NEURL1: variants seen among roughly 807,000 people sequenced by gnomAD.
The protein encoded by NEURL1 is E3 ubiquitin-protein ligase NEURL1.
In NEURL1, 26 loss-of-function variants were observed where a neutral mutation model predicts 41.2. That is an observed-to-expected ratio of 0.63 (90% CI 0.46 to 0.87). The LOEUF (loss-of-function observed/expected upper bound fraction) is 0.87. NEURL1 is among the 40% of genes least tolerant of loss of function. The probability of loss-of-function intolerance (pLI) is 0.00; values close to 1 mark genes in which losing one functional copy is unlikely to be tolerated. For synonymous variants in NEURL1, 400 were observed against 402.3 expected (o/e 0.99, Z 0.07); for missense variants, 761 against 871.1 (o/e 0.87, Z 1.59).
intron 1 of NEURL1, among the ~76,000 whole-genome samples, chr10:103,541,268 C>G (rs1023143546): frequency 6.6e-6 from 1 of 151,924 alleles, no homozygotes; most frequent in Non-Finnish European, 1.5e-5. Context: ...TACATACATG[C>G]CTACATACAT....
chr10:103,517,003 A>G (rs1209640449), intron 1 of NEURL1, among the ~76,000 whole-genome samples: 1 of 105,934 alleles, frequency 9.4e-6, no homozygotes, highest in Admixed American at 1.0e-4. Context: ...CCTTCCCTCC[A>G]TCCTTCCTCC....
At position 103,571,823 on chromosome 10, in the gene NEURL1, G is replaced by A. The variant is rs1202225863; in HGVS notation, c.649+1G>A. ...CTCACGCGGGGCGTCCAGCTGCTTG[G>A]TGAGTGCCTGCCCCTCCGGCCCCTT... On this transcript the variant is annotated splice_donor_variant, in intron 3 of 5. Coordinates refer to ENST00000369780, the MANE Select transcript of NEURL1 (RefSeq NM_004210.5). LOFTEE classifies it high-confidence loss of function. 2 of 1,594,868 alleles carry A rather than the reference G, an allele frequency of 1.3e-6. No homozygotes were observed. Among genetic ancestry groups the A allele is most frequent in the Admixed American group, 1.7e-5 (1 of 59,272 alleles).
chr10:103,554,776 C>T (rs2035109755), intron 1 of NEURL1, among the ~76,000 whole-genome samples: 1 of 152,204 alleles, frequency 6.6e-6, no homozygotes, highest in African/African-American at 2.4e-5. Flanking sequence ...ACTTGGTTAA[C>T]AGCTCCATCA....
chr10:103,588,942 G>GAAA (rs35294224), intron 4 of NEURL1: 512 of 320,130 alleles, frequency 1.6e-3, no homozygotes, highest in Middle Eastern at 3.5e-3. Context: ...GACTCCGTCT[G>GAAA]AAAAAAAAAA....
chr10:103,567,051 C>T (rs965963719), intron 1 of NEURL1, among the ~76,000 whole-genome samples: 11 of 150,850 alleles, frequency 7.3e-5, no homozygotes, highest in African/African-American at 2.4e-4. Flanking sequence ...GGTGCTGTCT[C>T]GGCTCACTGC....
chr10:103,542,810 C>T (rs947196188), intron 1 of NEURL1, among the ~76,000 whole-genome samples: 1 of 152,130 alleles, frequency 6.6e-6, no homozygotes, highest in African/African-American at 2.4e-5. Flanking sequence ...CGTGAGTGCT[C>T]GTAGGCTTTG....
intron 1 of NEURL1, among the ~76,000 whole-genome samples, chr10:103,559,773 C>A (rs1369257852): frequency 6.6e-6 from 1 of 152,114 alleles, no homozygotes; most frequent in Non-Finnish European, 1.5e-5. Flanking sequence ...ACAGAGTGTG[C>A]TTTTATGAAG....
intron 1 of NEURL1, among the ~76,000 whole-genome samples, chr10:103,500,859 C>T (rs549962103): frequency 2.0e-5 from 3 of 152,312 alleles, no homozygotes; most frequent in Admixed American, 6.5e-5. Context: ...CTCAAACCTG[C>T]GTGTTTAACA....
Position 103,494,200 on chromosome 10 carries a change from A to G in NEURL1, c.-188A>G, listed in dbSNP as rs1031120665. On this transcript the variant is annotated 5_prime_UTR_variant, in exon 1 of 6. Coordinates refer to ENST00000369780, the MANE Select transcript of NEURL1 (RefSeq NM_004210.5). ...GCGCCAGGACACCCGTGGCGGGCGGAACCCGCCAAGGACCGCGAAGTCCAG... is the reference window on the plus strand; with the variant it reads ...GCGCCAGGACACCCGTGGCGGGCGGGACCCGCCAAGGACCGCGAAGTCCAG... 9.8e-6 allele frequency: 5 copies of G among 510,264 alleles called. No individual in the cohort carries two copies. The highest frequency in any genetic ancestry group is 6.2e-5 in the African/African-American group (3 of 48,426). The allele number at this position is 510,264 out of a possible 1,614,324, so 31.6% of individuals were successfully genotyped here.
At chr10:103,560,314 T>C (rs2035265881) in intron 1 of NEURL1, among the ~76,000 whole-genome samples, 1 of 152,104 alleles carries the variant, frequency 6.6e-6, no homozygotes, top group Non-Finnish European at 1.5e-5. Flanking sequence ...AGAATTAACA[T>C]TTGGAGTCCC....
At position 103,558,868 on chromosome 10, in the gene NEURL1, G is replaced by A. The variant is rs921549324; in HGVS notation, c.86-12004G>A. On this transcript the variant is annotated intron_variant, in intron 1 of 5. Transcript: ENST00000369780. The surrounding 1 kb of genome is among the most constrained non-coding windows in gnomAD (Gnocchi z 4.2). ...GGCAAGGAAGGGACCCCTTGCTGAC[G>A]GCTGATGTGTGGGTGACACACGCAC... 1.3e-5 allele frequency among the ~76,000 whole-genome samples: 2 copies of A among 152,102 alleles called. No homozygotes were observed. The highest frequency in any genetic ancestry group is 4.8e-5 in the African/African-American group (2 of 41,412).
chr10:103,585,138 G>A lies in NEURL1; in HGVS notation c.1252G>A (p.Ala418Thr). Residue 418 changes from alanine (A) to threonine (T), a missense_variant, in exon 4 of 6, where the codon GCC becomes ACC. Ala to Thr is a moderately conservative substitution (Grantham distance 58, BLOSUM62 0). Around this residue, in one of 5 missense-constraint regions of NEURL1, gnomAD observed 443 missense variants for 408.1 expected, o/e 1.09. Coordinates refer to ENST00000369780, the MANE Select transcript of NEURL1 (RefSeq NM_004210.5). ...ELHLSHNGAA[A>T]GMQLCVDASQ... ...GCACCTCAGCCACAATGGCGCGGCCGCCGGCATGCAGCTGTGCGTGGACGC... is the reference window on the plus strand; with the variant it reads ...GCACCTCAGCCACAATGGCGCGGCCACCGGCATGCAGCTGTGCGTGGACGC... 6.3e-7 allele frequency: 1 copy of A among 1,591,376 alleles called. No individual in the cohort carries two copies.
intron 1 of NEURL1, among the ~76,000 whole-genome samples, chr10:103,517,005 C>T (rs1225885720): frequency 1.4e-5 from 2 of 146,908 alleles, no homozygotes; most frequent in African/African-American, 5.2e-5. Context: ...TTCCCTCCAT[C>T]CTTCCTCCCT....
chr10:103,563,445 C>T (rs1215972782), intron 1 of NEURL1, among the ~76,000 whole-genome samples: 1 of 152,084 alleles, frequency 6.6e-6, no homozygotes, highest in East Asian at 1.9e-4. Flanking sequence ...ATTCTCTGTG[C>T]CTCGCCCCAC....
chr10:103,552,658 G>A (rs910598397), intron 1 of NEURL1, among the ~76,000 whole-genome samples: 1 of 152,172 alleles, frequency 6.6e-6, no homozygotes, highest in African/African-American at 2.4e-5. Flanking sequence ...GGAAGTCCGC[G>A]AGAGCTAGGA....
chr10:103,500,685 G>A (rs892303455), intron 1 of NEURL1, among the ~76,000 whole-genome samples: 3 of 152,230 alleles, frequency 2.0e-5, no homozygotes, highest in African/African-American at 7.2e-5. Flanking sequence ...TTTCTTCGGG[G>A]TTTTAGACAC....
chr10:103,562,106 T>C (rs567979068), intron 1 of NEURL1, among the ~76,000 whole-genome samples: 10 of 152,308 alleles, frequency 6.6e-5, no homozygotes, highest in Admixed American at 1.3e-4. Flanking sequence ...ACAATGGCTC[T>C]GGGCACCATG....
intron 1 of NEURL1, among the ~76,000 whole-genome samples, chr10:103,528,539 A>C (rs1336816437): frequency 6.6e-6 from 1 of 151,712 alleles, no homozygotes; most frequent in Non-Finnish European, 1.5e-5. Flanking sequence ...CGTCTCAAAA[A>C]AAAAAAAAAA....
At position 103,584,857 on chromosome 10, in the gene NEURL1, C is replaced by T. The variant is rs776747396; in HGVS notation, c.971C>T (p.Ala324Val). The change falls in exon 4 of 6, where the codon GCG (alanine) becomes GTG (valine). Residue 324 changes from alanine (A) to valine (V), a missense_variant. By Grantham distance (64) the Ala-to-Val change is moderately conservative. Coordinates refer to ENST00000369780, the MANE Select transcript of NEURL1 (RefSeq NM_004210.5). ...ARVEHGRDERALVFTSRPVRV... is the reference protein window; with the variant it reads ...ARVEHGRDERVLVFTSRPVRV... ...GTGGAGCACGGGCGCGACGAGCGCG[C>T]GCTCGTCTTCACCAGCCGGCCCGTG... 2.1e-6 allele frequency: 3 copies of T among 1,407,964 alleles called. No individual in the cohort carries two copies. The highest frequency in any genetic ancestry group is 2.8e-6 in the Non-Finnish European group (3 of 1,090,222). 87.2% of individuals were successfully genotyped at this position (1,407,964 alleles called of 1,614,324 possible).
Sources: allele counts gnomAD v4.1 joint callset (sites outside exome capture counted in the v4.1 genomes callset), GRCh38; gene constraint gnomAD v4.1.1; regional missense constraint gnomAD v4.1.1; non-coding constraint Gnocchi (gnomAD v3.1); transcripts MANE v1.5; gene names NCBI Gene and HGNC (gene_info 2026-07-23, HGNC 2026-07-21).